Variants in SLC35E4 observed in about 807,000 individuals in gnomAD.
SLC35E4 encodes the protein solute carrier family 35, member E4.
SLC35E4 carries 15 observed loss-of-function variants against 19.3 expected under a neutral mutation model. That is an observed-to-expected ratio of 0.78 (90% CI 0.52 to 1.20). The LOEUF is 1.20. SLC35E4 is among the 50% of genes most tolerant of loss of function. The pLI is 0.00. For synonymous variants in SLC35E4, 219 were observed against 219.9 expected (o/e 1.00, Z 0.04); for missense variants, 406 against 472.3 (o/e 0.86, Z 1.30).
At position 30,647,289 on chromosome 22, in the gene SLC35E4, A is replaced by G. The variant is rs62235873; in HGVS notation, c.*258A>G. ...GGCGCGTGCCTATAGTCCCAGCTAC[A>G]TGGGAGGCTAAGGTGGGAGGATCAC... On this transcript the variant is annotated 3_prime_UTR_variant, in exon 2 of 2. Coordinates refer to ENST00000343605, the MANE Select transcript of SLC35E4 (RefSeq NM_001001479.4). 1.5e-5 allele frequency: 7 copies of G among 464,578 alleles called. No homozygotes were observed. Among genetic ancestry groups the G allele is most frequent in the Non-Finnish European group, 2.7e-5 (7 of 261,182 alleles). 28.8% of individuals were successfully genotyped at this position (464,578 alleles called of 1,614,324 possible).
intron 2 of SLC35E4, among the ~76,000 whole-genome samples, chr22:30,660,178 A>G (rs2088429034): frequency 6.6e-6 from 1 of 152,270 alleles, no homozygotes. Context: ...GTCAAGTCCA[A>G]TCAAGCTTCT....
intron 2 of SLC35E4, chr22:30,654,642 C>T: frequency 4.4e-6 from 2 of 454,690 alleles, no homozygotes; most frequent in South Asian, 3.3e-5. Context: ...TGCTGTTCAT[C>T]CACTTGTGGA....
downstream of SLC35E4, chr22:30,652,094 G>A (rs576929829): frequency 2.6e-5 from 4 of 152,182 alleles, no homozygotes; most frequent in Non-Finnish European, 5.9e-5. Flanking sequence ...CAGTCTCCCC[G>A]ACCATTCAGG....
chr22:30,652,019 TAGAG>T (rs2088231299), downstream of SLC35E4: 1 of 152,054 alleles, frequency 6.6e-6, no homozygotes, highest in Non-Finnish European at 1.5e-5. Context: ...GGAACTGCAA[TAGAG>T]AAAGAGTAAT....
intron 2 of SLC35E4, among the ~76,000 whole-genome samples, chr22:30,658,814 T>C (rs1476061142): frequency 1.3e-5 from 2 of 152,046 alleles, no homozygotes; most frequent in African/African-American, 4.8e-5. Context: ...GGGCATAAGC[T>C]TAGGACTGTT....
downstream of SLC35E4, among the ~76,000 whole-genome samples, chr22:30,666,284 G>A (rs2088657932): frequency 6.6e-6 from 1 of 152,198 alleles, no homozygotes; most frequent in Admixed American, 6.5e-5. Context: ...GCTCTTGCAG[G>A]TGAGGGTAGT....
At chr22:30,644,931 G>A (rs1478385379) in intron 1 of SLC35E4, among the ~76,000 whole-genome samples, 1 of 151,914 alleles carries the variant, frequency 6.6e-6, no homozygotes, top group Non-Finnish European at 1.5e-5. Context: ...AAGTGAAAAG[G>A]TTTCCTCTTA....
In SLC35E4 at chr22:30,647,125, T is replaced by C. The variant is rs2088147943; in HGVS notation, c.*94T>C. On this transcript the variant is annotated 3_prime_UTR_variant, in exon 2 of 2. Coordinates refer to ENST00000343605, the MANE Select transcript of SLC35E4 (RefSeq NM_001001479.4). ...AAGGAATGGAGAACAGGGCTGGGCA[T>C]GGTGGCTCACGCCTATAATCCCAGC... The C allele has an allele frequency of 1.4e-6, 2 of 1,410,966 alleles. No homozygotes were observed. Among genetic ancestry groups the C allele is most frequent in the Non-Finnish European group, 9.4e-7 (1 of 1,065,120 alleles). 87.4% of individuals were successfully genotyped at this position (1,410,966 alleles called of 1,614,324 possible).
At chr22:30,645,841 G>A (rs1602078599) in intron 1 of SLC35E4, among the ~76,000 whole-genome samples, 1 of 118,390 alleles carries the variant, frequency 8.4e-6, no homozygotes. Context: ...TTTTTTTTAA[G>A]ACAGGGTCTC....
rs556279956 is a variant in SLC35E4, at chr22:30,636,327, C to A, written c.-124C>A. The A allele has an allele frequency of 7.5e-7, 1 of 1,327,538 alleles. No individual in the cohort carries two copies. Among genetic ancestry groups the A allele is most frequent in the African/African-American group, 1.5e-5 (1 of 67,618 alleles). The allele number at this position is 1,327,538 out of a possible 1,614,324, so 82.2% of individuals were successfully genotyped here. A position where few individuals can be genotyped will look rare whatever the true frequency, so the allele number is the denominator to read the frequency against. On this transcript the variant is annotated 5_prime_UTR_variant, in exon 1 of 2. Coordinates refer to ENST00000343605, the MANE Select transcript of SLC35E4 (RefSeq NM_001001479.4). Reference sequence around the variant, plus strand: ...CTGGCACAAGTAAGCAGTGTCCTCACCTGTCTGAAACGGGACACGGGGTCG... The same window carrying A: ...CTGGCACAAGTAAGCAGTGTCCTCAACTGTCTGAAACGGGACACGGGGTCG...
At chr22:30,644,600 C>G (rs2088098313) in intron 1 of SLC35E4, among the ~76,000 whole-genome samples, 1 of 152,162 alleles carries the variant, frequency 6.6e-6, no homozygotes, top group Admixed American at 6.6e-5. Flanking sequence ...CAAAAATTTT[C>G]AGGGGTGATG....
chr22:30,663,546 T>C (rs1447349832), downstream of SLC35E4: 3 of 1,614,048 alleles, frequency 1.9e-6, no homozygotes, highest in Non-Finnish European at 2.5e-6. Flanking sequence ...GAACTCATAG[T>C]GGATGAGCTG....
At chr22:30,652,144 C>A (rs1342479464), downstream of SLC35E4, 3 of 152,116 alleles carry the variant, frequency 2.0e-5, no homozygotes, top group Non-Finnish European at 4.4e-5. Flanking sequence ...TTGGGGGAAG[C>A]CAGTGAGACA....
chr22:30,661,274 TAA>T (rs1200940532), intron 2 of SLC35E4, among the ~76,000 whole-genome samples: 1 of 152,134 alleles, frequency 6.6e-6, no homozygotes, highest in Non-Finnish European at 1.5e-5. Context: ...GCTCAAAATC[TAA>T]AACTTTTTGA....
chr22:30,668,041 C>T, downstream of SLC35E4: 1 of 158,704 alleles, frequency 6.3e-6, no homozygotes. Flanking sequence ...CCATGGCTTC[C>T]AACCGGCCTC....
intron 1 of SLC35E4, among the ~76,000 whole-genome samples, chr22:30,644,151 T>C (rs1044159360): frequency 6.6e-6 from 1 of 152,210 alleles, no homozygotes; most frequent in Non-Finnish European, 1.5e-5. Flanking sequence ...CTGTTAACTT[T>C]CGAGCCTGCG....
chr22:30,661,900 T>C (rs961318449), intron 2 of SLC35E4: 30 of 152,210 alleles, frequency 2.0e-4, no homozygotes, highest in Admixed American at 5.9e-4. Flanking sequence ...TTAGAAGTGA[T>C]TGGGGGAAGC....
intron 2 of SLC35E4, among the ~76,000 whole-genome samples, chr22:30,656,597 C>T (rs1304360491): frequency 6.6e-6 from 1 of 152,220 alleles, no homozygotes; most frequent in Non-Finnish European, 1.5e-5. Context: ...TATGGGACCA[C>T]TTCTTTCTCC....
intron 2 of SLC35E4, among the ~76,000 whole-genome samples, chr22:30,658,247 A>G (rs2145598911): frequency 6.6e-6 from 1 of 151,952 alleles, no homozygotes; most frequent in African/African-American, 2.4e-5. Context: ...TGAAAAAGAA[A>G]TATTAACAAG....
Sources: gnomAD v4.1 joint callset for allele counts (sites outside exome capture counted in the v4.1 genomes callset) on GRCh38, gnomAD v4.1.1 for gene constraint, MANE v1.5 for transcripts, NCBI Gene and HGNC (gene_info 2026-07-23, HGNC 2026-07-21) for gene names.